Variants in RC3H2 observed in about 807,000 individuals in gnomAD.
RC3H2 encodes the protein roquin-2.
RC3H2 carries 31 observed loss-of-function variants against 133.3 expected under a neutral mutation model. That is an observed-to-expected ratio of 0.23 (90% CI 0.17 to 0.31). The LOEUF (loss-of-function observed/expected upper bound fraction) is 0.31, where lower values mean the gene tolerates loss of function less well. RC3H2 is among the 10% of genes least tolerant of loss of function. The pLI is 1.00. For synonymous variants in RC3H2, 517 were observed against 502.2 expected (o/e 1.03, Z -0.40); for missense variants, 1,175 against 1,437.2 (o/e 0.82, Z 2.95).
chr9:122,894,376 T>C (rs924772237), intron 2 of RC3H2, among the ~76,000 whole-genome samples: 2 of 152,090 alleles, frequency 1.3e-5, no homozygotes, highest in Admixed American at 1.3e-4. Context: ...AGACAAAATG[T>C]TTTGCCTTTG....
intron 9 of RC3H2, chr9:122,875,070 C>G: frequency 1.7e-6 from 2 of 1,208,880 alleles, no homozygotes; most frequent in Non-Finnish European, 2.2e-6. Context: ...TATGGACAAG[C>G]TGAATGTATT....
At chr9:122,855,155 T>A in intron 15 of RC3H2, 29 bp downstream of exon 15, 168 of 1,225,542 alleles carry the variant, frequency 1.4e-4, no homozygotes, top group Non-Finnish European at 1.8e-4. Flanking sequence ...TTAGAACATA[T>A]CAGGCTAGGT....
At chr9:122,874,182 AG>A (rs1450629032) in intron 9 of RC3H2, 2 of 152,226 alleles carry the variant, frequency 1.3e-5, no homozygotes, top group Non-Finnish European at 2.9e-5. Context: ...GAAGAGTAAA[AG>A]AAATTTATAT....
Position 122,854,082 on chromosome 9 carries a change from T to C in RC3H2, c.2987A>G (p.Lys996Arg), listed in dbSNP as rs1420623735. The C allele has an allele frequency of 1.2e-6, 2 of 1,613,892 alleles. No homozygotes were observed. Among genetic ancestry groups the C allele is most frequent in the South Asian group, 1.1e-5 (1 of 91,076 alleles). ...TCTCTGAAGAAGTAATGAGTTGCTC[T>C]TGGCCTATATGAGGAGGGAAAAAAA... ...DLLSLELQQA[K>R]SNSLLLQREA... is the part of the protein sequence containing the mutation. Residue 996 changes from lysine to arginine, a missense_variant, in exon 18 of 21, where the codon AAG becomes AGG. Lys to Arg is a conservative substitution (Grantham distance 26). Coordinates refer to ENST00000357244, the MANE Select transcript of RC3H2 (RefSeq NM_001100588.3).
At chr9:122,850,644 A>G (rs1348274866) in intron 20 of RC3H2, among the ~76,000 whole-genome samples, 1 of 151,644 alleles carries the variant, frequency 6.6e-6, no homozygotes, top group Non-Finnish European at 1.5e-5. Flanking sequence ...GGGTTTCACT[A>G]TGTTGGCCAG....
In RC3H2 at chr9:122,859,009, G is replaced by C; in HGVS notation, c.1943C>G (p.Pro648Arg). Residue 648 changes from proline (P) to arginine (R), a missense_variant, in exon 12 of 21, where the codon CCA becomes CGA. Pro to Arg is a moderately radical substitution (Grantham distance 103). Transcript: ENST00000357244. Reference protein sequence around the residue: ...RSNNVPESSLPPASMPYADHY... With the variant: ...RSNNVPESSLRPASMPYADHY... ...ATCGGCATATGGCATGGAAGCAGGT[G>C]GGAGGGAGGACTCTGGAACGTTATT... The C allele has an allele frequency of 6.2e-7, 1 of 1,614,022 alleles. No homozygotes were observed. Among genetic ancestry groups the C allele is most frequent in the Non-Finnish European group, 8.5e-7 (1 of 1,179,896 alleles).
rs915731081 is a variant in RC3H2, at chr9:122,859,087, G to A, written c.1865C>T (p.Pro622Leu). ...QYPQTGYYPPPPTVPAGVAPC... is the reference protein window; with the variant it reads ...QYPQTGYYPPLPTVPAGVAPC... Reference sequence around the variant, plus strand: ...AGCCACACCAGCTGGTACCGTTGGAGGTGGTGGATAGTATCCTTGAAAATT... The same window carrying A: ...AGCCACACCAGCTGGTACCGTTGGAAGTGGTGGATAGTATCCTTGAAAATT... The change falls in exon 12 of 21, where the codon CCT becomes CTT. Residue 622 changes from proline (P) to leucine (L), a missense_variant. Pro to Leu is a moderately conservative substitution (Grantham distance 98). This residue lies in a region of RC3H2 where 490 missense variants were observed against 492.8 expected (regional missense o/e 0.99). Transcript: ENST00000357244. The A allele has an allele frequency of 2.5e-6, 4 of 1,573,112 alleles. No individual in the cohort carries two copies. The highest frequency in any genetic ancestry group is 1.7e-4 in the Middle Eastern group (1 of 5,890).
At chr9:122,866,407 C>CTCTCCT (rs1205821295) in intron 9 of RC3H2, among the ~76,000 whole-genome samples, 1 of 139,996 alleles carries the variant, frequency 7.1e-6, no homozygotes, top group African/African-American at 2.7e-5. Context: ...CTCCCTCTCC[C>CTCTCCT]CACGGTCTCC....
At position 122,880,761 on chromosome 9, in the gene RC3H2, G is replaced by C; in HGVS notation, c.793C>G (p.Gln265Glu). The C allele has an allele frequency of 6.2e-7, 1 of 1,613,902 alleles. No individual in the cohort carries two copies. The highest frequency in any genetic ancestry group is 8.5e-7 in the Non-Finnish European group (1 of 1,179,834). The change falls in exon 6 of 21, where the codon CAG (glutamine) becomes GAG (glutamate). Residue 265 changes from glutamine to glutamate, a missense_variant. By Grantham distance (29) the Gln-to-Glu change is conservative. Coordinates refer to ENST00000357244, the MANE Select transcript of RC3H2 (RefSeq NM_001100588.3). ...TAACTCCGAAATTCCTCCTTCAGCT[G>C]CATTAGGGAAGAGTCTTCATCTCTT... ...TKRDEDSSLM[Q>E]LKEEFRSYEA...
rs1386858967 is a variant in RC3H2, at chr9:122,890,537, T to A, written c.358A>T (p.Ser120Cys). 6.2e-7 allele frequency: 1 copy of A among 1,604,722 alleles called. No individual in the cohort carries two copies. The highest frequency in any genetic ancestry group is 8.5e-7 in the Non-Finnish European group (1 of 1,172,824). ...KPLSGGKGVASLNQSALSRPM... is the reference protein window; with the variant it reads ...KPLSGGKGVACLNQSALSRPM... ...CGGCTCAGTGCACTCTGGTTCAAGC[T>A]AGCTACACCTTTAGGAAAAGGGAAA... The change falls in exon 4 of 21, where the codon AGC becomes TGC. Residue 120 changes from serine to cysteine, a missense_variant. Coordinates refer to ENST00000357244, the MANE Select transcript of RC3H2 (RefSeq NM_001100588.3).
At chr9:122,873,465 C>T (rs1162381952) in intron 9 of RC3H2, among the ~76,000 whole-genome samples, 1 of 152,144 alleles carries the variant, frequency 6.6e-6, no homozygotes, top group African/African-American at 2.4e-5. Flanking sequence ...GTAATCCTAG[C>T]ACTTTGGGAG....
chr9:122,877,541 A>G lies in RC3H2; in HGVS notation c.1255T>C (p.Leu419=). The G allele has an allele frequency of 6.2e-7, 1 of 1,614,216 alleles. No individual in the cohort carries two copies. The highest frequency in any genetic ancestry group is 8.5e-7 in the Non-Finnish European group (1 of 1,180,024). ...CGTGGACAACCCCCTTGCTGTCGCA[A>G]ATCTCGGCACATGCTAGTCTTGTAT... ...SKYKTSMCRD[L]RQQGGCPRGT... is the part of the protein sequence containing the mutation. Residue 419 remains leucine, a synonymous_variant, in exon 9 of 21, where the codon TTG becomes CTG. Coordinates refer to ENST00000357244, the MANE Select transcript of RC3H2 (RefSeq NM_001100588.3).
intron 10 of RC3H2, 25 bp downstream of exon 10, chr9:122,865,324 G>A (rs1830598974): frequency 1.9e-6 from 3 of 1,556,094 alleles, no homozygotes; most frequent in Middle Eastern, 1.7e-4. Context: ...AGAATTTCCA[G>A]TAATCATTTT....
chr9:122,857,801 A>C, intron 13 of RC3H2, 122 bp downstream of exon 13: 1 of 778,852 alleles, frequency 1.3e-6, no homozygotes, highest in South Asian at 1.9e-5. Context: ...TATTGAACTA[A>C]ACTCAATTGC....
intron 9 of RC3H2, among the ~76,000 whole-genome samples, chr9:122,870,056 G>C (rs114586646): frequency 1.3e-5 from 2 of 152,006 alleles, no homozygotes; most frequent in Non-Finnish European, 1.5e-5. Context: ...ACAGAATATC[G>C]TGTCTCCTTG....
intron 4 of RC3H2, among the ~76,000 whole-genome samples, chr9:122,887,620 T>G (rs909265349): frequency 2.0e-5 from 3 of 152,190 alleles, no homozygotes; most frequent in Non-Finnish European, 2.9e-5. Context: ...CTAAGCATTT[T>G]CAGTGGACAG....
In RC3H2 at chr9:122,885,888, T is replaced by A. The variant is rs138686675; in HGVS notation, c.584-2509A>T. Among the ~76,000 whole-genome samples the A allele has an allele frequency of 7.2e-3, 1,101 of 152,054 alleles. 12 individuals carry two copies. Among genetic ancestry groups the A allele is most frequent in the African/African-American group, 0.025 (1,023 of 41,498 alleles). On this transcript the variant is annotated intron_variant, in intron 4 of 20. Coordinates refer to ENST00000357244, the MANE Select transcript of RC3H2 (RefSeq NM_001100588.3). The stretch of plus-strand genomic sequence containing the variant: ...GTGTTTTTTGTTTTGTTTTGTTTTG[T>A]TTGTTTTGTTTTGTTTTGAGACAAA...
At position 122,861,422 on chromosome 9, in the gene RC3H2, G is replaced by A. The variant is rs550994312; in HGVS notation, c.1635-1291C>T. Among the ~76,000 whole-genome samples the A allele has an allele frequency of 7.3e-5, 11 of 151,044 alleles. No homozygotes were observed. In the South Asian group the frequency reaches 1.3e-3, roughly 17 times the overall value. ...GGAGAATCGCTTGAACCCAGGAGGC[G>A]GAGGTTGTGGTGAGCCGAGATCACG... On this transcript the variant is annotated intron_variant, in intron 10 of 20. Coordinates refer to ENST00000357244, the MANE Select transcript of RC3H2 (RefSeq NM_001100588.3).
intron 10 of RC3H2, 106 bp downstream of exon 10, chr9:122,865,243 G>C: frequency 2.0e-6 from 2 of 1,013,904 alleles, no homozygotes; most frequent in Non-Finnish European, 2.9e-6. Flanking sequence ...AAAATATTCT[G>C]CATAAAAATT....
Sources: allele counts gnomAD v4.1 joint callset (sites outside exome capture counted in the v4.1 genomes callset), GRCh38; gene constraint gnomAD v4.1.1; regional missense constraint gnomAD v4.1.1; transcripts MANE v1.5; gene names NCBI Gene and HGNC (gene_info 2026-07-23, HGNC 2026-07-21).